NELL2: variants seen among roughly 807,000 people sequenced by gnomAD.
NELL2 encodes the protein neural EGFL like 2.
A neutral mutation model predicts 109.6 loss-of-function variants in NELL2; 41 were observed. That is an observed-to-expected ratio of 0.37 (90% confidence interval 0.29 to 0.49). The LOEUF (loss-of-function observed/expected upper bound fraction) is 0.49, where lower values mean the gene tolerates loss of function less well. NELL2 is among the 20% of genes least tolerant of loss of function. NELL2 has a pLI of 0.98. For synonymous variants in NELL2, 355 were observed against 344.7 expected, an observed-to-expected ratio of 1.03 and a Z score of -0.33; for missense variants, 900 against 1,008.3, an observed-to-expected ratio of 0.89 and a Z score of 1.45.
At chr12:44,861,115 G>C (rs1299436688) in intron 2 of NELL2, among the ~76,000 whole-genome samples, 4 of 152,234 alleles carry the variant, frequency 2.6e-5, no homozygotes, top group Admixed American at 2.6e-4. Flanking sequence ...ACCTGGGTGT[G>C]GCACAGAACT....
rs141747140 is a variant in NELL2 at position 44,774,926 on chromosome 12, A to G, written c.892-77T>C. On this transcript the variant is annotated intron_variant, in intron 8 of 19. Transcript: ENST00000429094. ...TCAAGAATTTTTGAATTCATTCCTTAAATTTTAAACTCTTCATGTGAAGAG... is the reference window on the plus strand; with the variant it reads ...TCAAGAATTTTTGAATTCATTCCTTGAATTTTAAACTCTTCATGTGAAGAG... The G allele has an allele frequency of 1.4e-3, 1,608 of 1,127,402 alleles. 1 individual carries two copies. The highest frequency in any genetic ancestry group is 1.8e-3 in the Non-Finnish European group (1,366 of 764,406). 69.8% of individuals were successfully genotyped at this position (1,127,402 alleles called of 1,614,324 possible). A position where few individuals can be genotyped will look rare whatever the true frequency, so the allele number is the denominator to read the frequency against.
chr12:44,547,111 G>A (rs1942828695), intron 15 of NELL2, among the ~76,000 whole-genome samples: 1 of 152,148 alleles, frequency 6.6e-6, no homozygotes, highest in African/African-American at 2.4e-5. Context: ...GCTACTTATA[G>A]TTTTCTGTGG....
intron 9 of NELL2, among the ~76,000 whole-genome samples, chr12:44,717,843 G>A (rs116627698): frequency 0.052 from 7,879 of 152,112 alleles, 684 homozygotes; most frequent in African/African-American, 0.18. Flanking sequence ...ATTGGTGAAC[G>A]CTACTTGAAA....
chr12:44,679,660 T>TATTAGCCA (rs764791632), intron 12 of NELL2, among the ~76,000 whole-genome samples: 42 of 152,216 alleles, frequency 2.8e-4, no homozygotes, highest in Admixed American at 1.0e-3. Context: ...AATCACTAAT[T>TATTAGCCA]ATTAGCCACT....
chr12:44,775,414 C>T (rs118076670), intron 8 of NELL2, among the ~76,000 whole-genome samples: 1 of 152,144 alleles, frequency 6.6e-6, no homozygotes. Flanking sequence ...CAGATGAGTT[C>T]ATGTGTAATT....
At chr12:44,816,299 C>CCA (rs1321542207) in intron 2 of NELL2, among the ~76,000 whole-genome samples, 163 bp from the exon 3 acceptor site, 1 of 152,114 alleles carries the variant, frequency 6.6e-6, no homozygotes, top group Non-Finnish European at 1.5e-5. Context: ...AGACTTTATG[C>CCA]TATATATAAT....
In NELL2 at chr12:44,711,358, G is replaced by T. The variant is rs1340297683; in HGVS notation, c.1123C>A (p.Pro375Thr). The T allele has an allele frequency of 6.2e-7, 1 of 1,612,542 alleles. No homozygotes were observed. Among genetic ancestry groups the T allele is most frequent in the Non-Finnish European group, 8.5e-7 (1 of 1,178,918 alleles). ...TMKLVESSGC[P>T]ALDCPESHQI... ...TGAGACTCTGGACAATCCAAAGCTG[G>T]ACAGCCTGAACTCTCAACAAGTTTC... The change falls in exon 11 of 20, where the codon CCA becomes ACA. Residue 375 changes from proline to threonine, a missense_variant. Pro to Thr is a conservative substitution (Grantham distance 38). This residue lies in a region of NELL2 where 292 missense variants were observed against 265.3 expected (regional missense o/e 1.10). Transcript: ENST00000429094.
chr12:44,696,381 T>C (rs1385513033), intron 12 of NELL2, among the ~76,000 whole-genome samples: 1 of 152,182 alleles, frequency 6.6e-6, no homozygotes, highest in Non-Finnish European at 1.5e-5. Context: ...ATATTTCATG[T>C]TGAAGTGAGT....
chr12:44,597,477 T>C (rs1313107701), intron 15 of NELL2, among the ~76,000 whole-genome samples: 1 of 152,238 alleles, frequency 6.6e-6, no homozygotes, highest in Non-Finnish European at 1.5e-5. Flanking sequence ...ACCCTGTTTC[T>C]TTTAATTATA....
chr12:44,699,925 C>A (rs191383451), intron 12 of NELL2, among the ~76,000 whole-genome samples: 1 of 152,200 alleles, frequency 6.6e-6, no homozygotes, highest in East Asian at 1.9e-4. Flanking sequence ...CTAGACAATC[C>A]CTTCCGTCTC....
intron 9 of NELL2, among the ~76,000 whole-genome samples, chr12:44,715,423 C>G (rs186961728): frequency 6.6e-6 from 1 of 151,542 alleles, no homozygotes; most frequent in East Asian, 1.9e-4. Context: ...TTTTCTAAAA[C>G]CTGCAACATA....
At chr12:44,606,443 A>G (rs1266583672) in intron 15 of NELL2, among the ~76,000 whole-genome samples, 2 of 152,142 alleles carry the variant, frequency 1.3e-5, no homozygotes, top group African/African-American at 4.8e-5. Flanking sequence ...GGTCATCACT[A>G]TTGGAACCTA....
At chr12:44,748,775 A>G (rs1940511163) in intron 9 of NELL2, among the ~76,000 whole-genome samples, 1 of 152,184 alleles carries the variant, frequency 6.6e-6, no homozygotes, top group African/African-American at 2.4e-5. Context: ...CCAAATTAAA[A>G]GAGTCAGAAC....
intron 3 of NELL2, among the ~76,000 whole-genome samples, chr12:44,797,248 T>C (rs1336330426): frequency 6.6e-6 from 1 of 151,952 alleles, no homozygotes; most frequent in African/African-American, 2.4e-5. Flanking sequence ...GAGAAAGACA[T>C]GGAGAGAAAG....
At chr12:44,635,223 T>C (rs953785754) in intron 13 of NELL2, among the ~76,000 whole-genome samples, 1 of 152,158 alleles carries the variant, frequency 6.6e-6, no homozygotes. Context: ...CTTCTCCCAT[T>C]TGGTAGGTTG....
chr12:44,837,420 C>T (rs954041284), intron 2 of NELL2, among the ~76,000 whole-genome samples: 7 of 152,084 alleles, frequency 4.6e-5, no homozygotes, highest in South Asian at 2.1e-4. Flanking sequence ...ACAAAACTGC[C>T]GGCAGGTTGA....
chr12:44,918,043 C>T (rs1281286191), upstream of NELL2, among the ~76,000 whole-genome samples: 1 of 152,224 alleles, frequency 6.6e-6, no homozygotes, highest in African/African-American at 2.4e-5. Flanking sequence ...AAATAATGTT[C>T]ATTTTCCTGG....
At chr12:44,543,124 C>T (rs1235507754) in intron 15 of NELL2, among the ~76,000 whole-genome samples, 1 of 152,104 alleles carries the variant, frequency 6.6e-6, no homozygotes, top group African/African-American at 2.4e-5. Context: ...CCCTCTAGTT[C>T]CTACCTGTAT....
At chr12:44,613,256 T>C (rs1046320413) in intron 13 of NELL2, among the ~76,000 whole-genome samples, 7 of 152,166 alleles carry the variant, frequency 4.6e-5, no homozygotes, top group African/African-American at 1.7e-4. Context: ...TAATTTTATG[T>C]CCATTTCTCT....
Sources: allele counts gnomAD v4.1 joint callset (sites outside exome capture counted in the v4.1 genomes callset), GRCh38; gene constraint gnomAD v4.1.1; regional missense constraint gnomAD v4.1.1; transcripts MANE v1.5; gene names NCBI Gene and HGNC (gene_info 2026-07-23, HGNC 2026-07-21).